LAMA4: variants seen among roughly 807,000 people sequenced by gnomAD.
LAMA4 encodes laminin subunit alpha-4.
LAMA4 carries 127 observed loss-of-function variants against 207.1 expected under a neutral mutation model. That is an observed-to-expected ratio of 0.61 (90% CI 0.53 to 0.71). The LOEUF is 0.71. Ranked by LOEUF, LAMA4 falls within the 30% of genes least tolerant of loss-of-function variation. The pLI is 0.00. For missense variants in LAMA4, 2,093 were observed against 2,246.5 expected, an observed-to-expected ratio of 0.93 and a Z score of 1.38; for synonymous variants, 761 against 816.0, an observed-to-expected ratio of 0.93 and a Z score of 1.15.
chr6:112,234,643 A>T (rs369142013), intron 2 of LAMA4: 5 of 152,154 alleles, frequency 3.3e-5, no homozygotes, highest in African/African-American at 7.2e-5. Flanking sequence ...TCAGATGAAG[A>T]TCTAATGTCA....
intron 2 of LAMA4, 28 bp from the exon 3 acceptor site, chr6:112,216,497 A>G: frequency 6.9e-7 from 1 of 1,456,540 alleles, no homozygotes. Context: ...AACCATTTTG[A>G]TTATTGAAAA....
Position 112,151,938 on chromosome 6 carries a change from A to C in LAMA4, c.2057-1311T>G, listed in dbSNP as rs139879366. Among the ~76,000 whole-genome samples, 1,294 of 152,218 alleles carry C rather than the reference A, an allele frequency of 8.5e-3. 22 individuals are homozygous for C. Among genetic ancestry groups the C allele is most frequent in the African/African-American group, 0.029 (1,218 of 41,556 alleles). On this transcript the variant is annotated intron_variant, in intron 16 of 38. Coordinates refer to ENST00000230538, the MANE Select transcript of LAMA4 (RefSeq NM_001105206.3). Reference sequence around the variant, plus strand: ...TATGAATTTCTCCTATATCCTATAAATGTGACAAATTACAATTGATTTTTT... The same window carrying C: ...TATGAATTTCTCCTATATCCTATAACTGTGACAAATTACAATTGATTTTTT...
At chr6:112,123,903 C>T (rs11153342) in intron 31 of LAMA4, among the ~76,000 whole-genome samples, 34,188 of 152,096 alleles carry the variant, frequency 0.22, 4,025 homozygotes, top group East Asian at 0.32. Context: ...GAAATATACC[C>T]AGCTACCAAT....
intron 5 of LAMA4, among the ~76,000 whole-genome samples, chr6:112,201,049 AAAAAG>A (rs1783718492): frequency 6.6e-6 from 1 of 152,194 alleles, no homozygotes; most frequent in African/African-American, 2.4e-5. Flanking sequence ...AAAAAAGGAA[AAAAAG>A]AAAAGAGTGT....
intron 28 of LAMA4, among the ~76,000 whole-genome samples, chr6:112,132,534 A>G (rs1779096124): frequency 6.6e-6 from 1 of 152,204 alleles, no homozygotes. Context: ...TCTATCCATG[A>G]ACCCTTGGGG....
chr6:112,217,473 T>C (rs1438419759), intron 2 of LAMA4, among the ~76,000 whole-genome samples: 12 of 152,162 alleles, frequency 7.9e-5, no homozygotes, highest in Admixed American at 7.2e-4. Context: ...ACACCCCCAT[T>C]GACCCATTGT....
At chr6:112,149,610 C>T (rs1197496690) in intron 17 of LAMA4, among the ~76,000 whole-genome samples, 1 of 152,106 alleles carries the variant, frequency 6.6e-6, no homozygotes, top group Non-Finnish European at 1.5e-5. Context: ...CTGAGGCCTC[C>T]CCAGCCATGC....
At position 112,114,654 on chromosome 6, in the gene LAMA4, T is replaced by C. The variant is rs757510123; in HGVS notation, c.5206+9A>G. ...TGTGCAGGCTCCCCAGGGCAGTCAG[T>C]TTTCTCACCTGTAATTCTGTGCCAT... is the stretch of plus-strand genomic sequence containing the variant. On this transcript the variant is annotated intron_variant, in intron 37 of 38. Transcript: ENST00000230538. 32 of 1,600,458 alleles carry C rather than the reference T, an allele frequency of 2.0e-5. No individual in the cohort carries two copies. Among genetic ancestry groups the C allele is most frequent in the Non-Finnish European group, 2.4e-5 (28 of 1,167,742 alleles).
intron 12 of LAMA4, among the ~76,000 whole-genome samples, chr6:112,169,599 G>A (rs1781596207): frequency 6.6e-6 from 1 of 152,210 alleles, no homozygotes; most frequent in Non-Finnish European, 1.5e-5. Flanking sequence ...AGATCAGGAA[G>A]AGGAAGGAGA....
At chr6:112,114,002 C>T in intron 38 of LAMA4, 74 bp downstream of exon 38, 1 of 1,561,696 alleles carries the variant, frequency 6.4e-7, no homozygotes, top group Non-Finnish European at 8.8e-7. Flanking sequence ...AAACACATGG[C>T]TCAATTCTAC....
chr6:112,205,296 C>T (rs1164296202), intron 4 of LAMA4, among the ~76,000 whole-genome samples: 2 of 152,188 alleles, frequency 1.3e-5, no homozygotes, highest in South Asian at 2.1e-4. Context: ...AAATCCTCCA[C>T]ACATATTATC....
intron 28 of LAMA4, among the ~76,000 whole-genome samples, chr6:112,131,853 T>C (rs185247655): frequency 1.3e-3 from 192 of 152,266 alleles, no homozygotes; most frequent in African/African-American, 4.5e-3. Flanking sequence ...AGTTATGTGA[T>C]GACCTGGCAC....
At chr6:112,143,578 C>G (rs1779839755) in intron 19 of LAMA4, among the ~76,000 whole-genome samples, 1 of 152,170 alleles carries the variant, frequency 6.6e-6, no homozygotes, top group Non-Finnish European at 1.5e-5. Flanking sequence ...GCCACCGCAC[C>G]CGGCCAAGAC....
chr6:112,212,765 T>C lies in LAMA4; in HGVS notation c.297+3603A>G, dbSNP rs550140967. On this transcript the variant is annotated intron_variant, in intron 3 of 38. Coordinates refer to ENST00000230538, the MANE Select transcript of LAMA4 (RefSeq NM_001105206.3). ...CTTGATCTAGATACCAATTTACAGT[T>C]GCAAGAAAAACAGGAACAAGAAGTC... Among the ~76,000 whole-genome samples, 7 of 152,306 alleles carry C rather than the reference T, an allele frequency of 4.6e-5. No homozygotes were observed. In the South Asian group the frequency reaches 1.5e-3, roughly 32 times the overall value.
rs6568718 is a variant in LAMA4 at position 112,108,824 on chromosome 6, G to T, written c.*613C>A. ...AAGGGGAAAAAGTAGTTGATTTCCT[G>T]TGTTTCTTATTTAGAAAAAATTAAA... On this transcript the variant is annotated 3_prime_UTR_variant, in exon 39 of 39. Coordinates refer to ENST00000230538, the MANE Select transcript of LAMA4 (RefSeq NM_001105206.3). 0.3 allele frequency: 45,429 copies of T among 152,146 alleles called. 7,151 individuals carry two copies. Among genetic ancestry groups the T allele is most frequent in the African/African-American group, 0.41 (16,983 of 41,406 alleles). The allele number at this position is 152,146 out of a possible 1,614,324, so 9.4% of individuals were successfully genotyped here.
intron 2 of LAMA4, among the ~76,000 whole-genome samples, chr6:112,249,630 C>T (rs1322747973): frequency 1.3e-5 from 2 of 151,974 alleles, no homozygotes; most frequent in Admixed American, 6.6e-5. Flanking sequence ...GCCTCGGTTT[C>T]TATGTGTATC....
At chr6:112,116,984 A>C (rs1778056470) in intron 35 of LAMA4, among the ~76,000 whole-genome samples, 2 of 152,158 alleles carry the variant, frequency 1.3e-5, no homozygotes, top group African/African-American at 4.8e-5. Flanking sequence ...GTGGTTTAAA[A>C]AGTAAACTTG....
At chr6:112,127,379 G>A (rs1554327982) in intron 31 of LAMA4, among the ~76,000 whole-genome samples, 1 of 151,920 alleles carries the variant, frequency 6.6e-6, no homozygotes, top group Non-Finnish European at 1.5e-5. Context: ...TTGAACAATT[G>A]TAGAAGGAGG....
At chr6:112,243,474 T>A (rs1254117431) in intron 2 of LAMA4, among the ~76,000 whole-genome samples, 1 of 151,438 alleles carries the variant, frequency 6.6e-6, no homozygotes, top group Non-Finnish European at 1.5e-5. Context: ...TCAGTTTTAA[T>A]TTTTTTTTAG....
Sources: gnomAD v4.1 joint callset for allele counts (sites outside exome capture counted in the v4.1 genomes callset) on GRCh38, gnomAD v4.1.1 for gene constraint, MANE v1.5 for transcripts, NCBI Gene and HGNC (gene_info 2026-07-23, HGNC 2026-07-21) for gene names.